PCDH9: variants seen among roughly 807,000 people sequenced by gnomAD.
PCDH9 encodes protocadherin-9.
A neutral mutation model predicts 70.6 loss-of-function variants in PCDH9; 24 were observed. That is an observed-to-expected ratio of 0.34 (90% confidence interval 0.25 to 0.48). The LOEUF (loss-of-function observed/expected upper bound fraction) is 0.48. Ranked by LOEUF, PCDH9 falls within the 20% of genes least tolerant of loss-of-function variation. The probability of loss-of-function intolerance (pLI) is 0.99; values close to 1 mark genes in which losing one functional copy is unlikely to be tolerated. For missense variants in PCDH9, 1,281 were observed against 1,503.6 expected, an observed-to-expected ratio of 0.85 and a Z score of 2.45; for synonymous variants, 562 against 558.5, an observed-to-expected ratio of 1.01 and a Z score of -0.09.
At chr13:66,410,627 C>T (rs1957354260) in intron 4 of PCDH9, among the ~76,000 whole-genome samples, 1 of 152,156 alleles carries the variant, frequency 6.6e-6, no homozygotes, top group Non-Finnish European at 1.5e-5. Context: ...CAGGTTAGCT[C>T]CTGCAGGACA....
At chr13:66,934,955 C>T (rs1019362011) in intron 2 of PCDH9, among the ~76,000 whole-genome samples, 1 of 151,384 alleles carries the variant, frequency 6.6e-6, no homozygotes, top group South Asian at 2.1e-4. Flanking sequence ...CTCCTGACCT[C>T]GTGATCCGCC....
At chr13:66,529,909 A>C (rs948081193) in intron 4 of PCDH9, among the ~76,000 whole-genome samples, 1 of 151,004 alleles carries the variant, frequency 6.6e-6, no homozygotes, top group African/African-American at 2.4e-5. Context: ...TCTGTTGCAG[A>C]AAAAAAAATA....
intron 2 of PCDH9, chr13:67,214,972 A>ATATATATATATATATT (rs1566500830): frequency 3.2e-5 from 4 of 124,352 alleles, no homozygotes; most frequent in African/African-American, 1.1e-4. Flanking sequence ...ATATATATAT[A>ATATATATATATATATT]TTCACTTAAT....
intron 3 of PCDH9, among the ~76,000 whole-genome samples, chr13:66,874,295 G>C (rs1432666202): frequency 6.6e-6 from 1 of 152,076 alleles, no homozygotes; most frequent in Non-Finnish European, 1.5e-5. Flanking sequence ...TTACTGAAAA[G>C]CTAGGTCAAA....
intron 3 of PCDH9, among the ~76,000 whole-genome samples, chr13:66,888,913 C>A (rs914225391): frequency 3.9e-5 from 6 of 152,068 alleles, no homozygotes. Flanking sequence ...ATAATTGTGC[C>A]AAAGAGCTAA....
intron 3 of PCDH9, among the ~76,000 whole-genome samples, chr13:66,815,559 G>T (rs1268422040): frequency 6.6e-6 from 1 of 152,022 alleles, no homozygotes; most frequent in Non-Finnish European, 1.5e-5. Flanking sequence ...AAGAAAATGT[G>T]GTACATATAT....
chr13:66,763,848 G>A (rs114835181), intron 3 of PCDH9, among the ~76,000 whole-genome samples: 4,094 of 151,970 alleles, frequency 0.027, 196 homozygotes, highest in African/African-American at 0.091. Context: ...CAGCAGGCTG[G>A]AGTGCAGTGG....
chr13:66,637,291 T>C lies in PCDH9; in HGVS notation c.3139-5880A>G, dbSNP rs2077651058. Among the ~76,000 whole-genome samples, 6 of 152,186 alleles carry C rather than the reference T, an allele frequency of 3.9e-5. No homozygotes were observed. In the South Asian group the frequency reaches 1.2e-3, roughly 32 times the overall value. ...GCAGACTCGACTTAAGGGTAACAAA[T>C]ATTAATACACACATGTACTTCATTC... is the stretch of plus-strand genomic sequence containing the variant. On this transcript the variant is annotated intron_variant, in intron 3 of 4. Coordinates refer to ENST00000377865, the MANE Select transcript of PCDH9 (RefSeq NM_203487.3).
intron 2 of PCDH9, among the ~76,000 whole-genome samples, chr13:66,971,563 G>C (rs755868241): frequency 1.5e-4 from 23 of 151,838 alleles, no homozygotes; most frequent in Non-Finnish European, 2.6e-4. Flanking sequence ...GGCCATTACT[G>C]CCTCCTGGCA....
rs1255860460 is a variant in PCDH9, at chr13:66,698,915, T to G, written c.3139-67504A>C. Among the ~76,000 whole-genome samples the G allele has an allele frequency of 1.8e-3, 241 of 133,116 alleles. 1 individual carries two copies. The highest frequency in any genetic ancestry group is 5.4e-3 in the African/African-American group (196 of 36,434). The allele number at this position is 133,116 out of a possible 152,430, so 87.3% of individuals were successfully genotyped here. A position where few individuals can be genotyped will look rare whatever the true frequency, so the allele number is the denominator to read the frequency against. Reference sequence around the variant, plus strand: ...TTCCTCTTTTTTTTTTTTTTTTTTTTTTGTTGTTGTTGTTGTTGAGATGGA... The same window carrying G: ...TTCCTCTTTTTTTTTTTTTTTTTTTGTTGTTGTTGTTGTTGTTGAGATGGA... On this transcript the variant is annotated intron_variant, in intron 3 of 4. Coordinates refer to ENST00000377865, the MANE Select transcript of PCDH9 (RefSeq NM_203487.3).
chr13:66,821,668 A>T (rs2080714207), intron 3 of PCDH9, among the ~76,000 whole-genome samples: 1 of 152,198 alleles, frequency 6.6e-6, no homozygotes, highest in Non-Finnish European at 1.5e-5. Flanking sequence ...AGTTCTACAA[A>T]TTCTGTGTCC....
chr13:66,777,833 G>T (rs1446426485), intron 3 of PCDH9, among the ~76,000 whole-genome samples: 3 of 152,048 alleles, frequency 2.0e-5, no homozygotes, highest in Admixed American at 2.0e-4. Context: ...ACATGCACAC[G>T]TATGTTTCTT....
chr13:66,789,511 T>A (rs1007925956), intron 3 of PCDH9, among the ~76,000 whole-genome samples: 18 of 151,664 alleles, frequency 1.2e-4, no homozygotes, highest in African/African-American at 4.1e-4. Flanking sequence ...TATTTTTTTT[T>A]ATTTTTTTTC....
intron 2 of PCDH9, among the ~76,000 whole-genome samples, chr13:67,119,544 C>T (rs979581427): frequency 6.6e-6 from 1 of 151,882 alleles, no homozygotes; most frequent in East Asian, 1.9e-4. Flanking sequence ...AGAAAAGAGT[C>T]ATGAAAAAAA....
intron 2 of PCDH9, among the ~76,000 whole-genome samples, chr13:67,076,118 A>T (rs1206601837): frequency 6.6e-6 from 1 of 152,182 alleles, no homozygotes; most frequent in Non-Finnish European, 1.5e-5. Context: ...ATGATCACCA[A>T]ATAATAGTAT....
rs143382093 is a variant in PCDH9, at chr13:66,507,911, C to T, written c.3340+123299G>A. Among the ~76,000 whole-genome samples the T allele has an allele frequency of 3.1e-3, 475 of 152,120 alleles. 2 individuals are homozygous for T. The highest frequency in any genetic ancestry group is 4.9e-3 in the Non-Finnish European group (331 of 67,970). On this transcript the variant is annotated intron_variant, in intron 4 of 4. Transcript: ENST00000377865. ...TAATTTTTTGTATTTTTAGTAGAGA[C>T]AGGGTTTCACCGCGTTAGCCAGGAT... is the stretch of plus-strand genomic sequence containing the variant.
rs12855007 is a variant in PCDH9 at position 67,117,714 on chromosome 13, A to G, written c.3036+107691T>C. Among the ~76,000 whole-genome samples, 1,044 of 152,260 alleles carry G rather than the reference A, an allele frequency of 6.9e-3. 6 individuals carry two copies. Among genetic ancestry groups the G allele is most frequent in the Non-Finnish European group, 0.011 (716 of 67,994 alleles). On this transcript the variant is annotated intron_variant, in intron 2 of 4. Coordinates refer to ENST00000377865, the MANE Select transcript of PCDH9 (RefSeq NM_203487.3). ...TCTGAGGTAATAATATAAATGTCCA[A>G]TTTCACAGATAAAGGAGGGATGGGA...
chr13:66,886,051 C>T (rs568654937), intron 3 of PCDH9: 1 of 152,186 alleles, frequency 6.6e-6, no homozygotes, highest in East Asian at 1.9e-4. Flanking sequence ...TTTCACACCA[C>T]GTTTCAATGG....
intron 3 of PCDH9, among the ~76,000 whole-genome samples, chr13:66,692,532 A>C (rs1196364831): frequency 3.9e-5 from 6 of 152,084 alleles, no homozygotes; most frequent in African/African-American, 1.2e-4. Flanking sequence ...ATATTTAATT[A>C]CAATTCCAAT....
Sources: gnomAD v4.1 joint callset for allele counts (sites outside exome capture counted in the v4.1 genomes callset) on GRCh38, gnomAD v4.1.1 for gene constraint, MANE v1.5 for transcripts, NCBI Gene and HGNC (gene_info 2026-07-23, HGNC 2026-07-21) for gene names.